The following MTNAP1 variants were observed in gnomAD, a reference collection of about 807,000 sequenced individuals.
MTNAP1 encodes the protein mitochondrial nucleoid associated protein 1, also known as mitochondrial nucleoid-associated protein 1.
At chr17:73,236,284 A>C in the MTNAP1 span, 1 of 1,614,158 alleles carries the variant, frequency 6.2e-7, no homozygotes, top group Non-Finnish European at 8.5e-7. Flanking sequence ...TGTTACAGTT[A>C]CTGAGACTCC....
chr17:73,242,837 G>A, the MTNAP1 span: 24,214 of 1,380,544 alleles, frequency 0.018, 1,704 homozygotes, highest in African/African-American at 0.21. Context: ...TGAATGACTC[G>A]CGGATACTGG....
chr17:73,248,481 TAAG>T, the MTNAP1 span: 1 of 1,551,354 alleles, frequency 6.4e-7, no homozygotes. Context: ...CCCCGCTAGG[TAAG>T]AAGCAACGCT....
At chr17:73,238,566 A>C in the MTNAP1 span, among the ~76,000 whole-genome samples, 3 of 152,252 alleles carry the variant, frequency 2.0e-5, no homozygotes, top group Non-Finnish European at 1.5e-5. Context: ...CCTAACGTCT[A>C]GACCTTTTTG....
the MTNAP1 span, chr17:73,242,402 G>A: frequency 6.6e-5 from 85 of 1,293,018 alleles, no homozygotes; most frequent in African/African-American, 1.2e-3. Flanking sequence ...TGGGCATTTG[G>A]AAAAGTTTCT....
At chr17:73,238,906 T>C in the MTNAP1 span, among the ~76,000 whole-genome samples, 4 of 148,572 alleles carry the variant, frequency 2.7e-5, no homozygotes, top group Non-Finnish European at 5.9e-5. Flanking sequence ...ATGTTTGTTA[T>C]AGTGCCATAC....
the MTNAP1 span, chr17:73,236,562 G>A: frequency 6.2e-7 from 1 of 1,614,170 alleles, no homozygotes; most frequent in Non-Finnish European, 8.5e-7. Context: ...TTCCGAGGGA[G>A]ACGACTTACC....
At chr17:73,238,054 C>CT in the MTNAP1 span, among the ~76,000 whole-genome samples, 1 of 152,182 alleles carries the variant, frequency 6.6e-6, no homozygotes, top group African/African-American at 2.4e-5. Context: ...GATTATGAAT[C>CT]AAACTTCAGA....
chr17:73,246,212 C>G, the MTNAP1 span, among the ~76,000 whole-genome samples: 3 of 152,174 alleles, frequency 2.0e-5, no homozygotes, highest in African/African-American at 7.2e-5. Context: ...TACATGAGGT[C>G]AGTTCCTCTT....
At chr17:73,245,234 G>C in the MTNAP1 span, 1 of 1,611,264 alleles carries the variant, frequency 6.2e-7, no homozygotes, top group Non-Finnish European at 8.5e-7. Flanking sequence ...AGCAAAGGGC[G>C]TACAGTGGAG....
chr17:73,247,352 T>G, the MTNAP1 span: 1 of 1,614,074 alleles, frequency 6.2e-7, no homozygotes, highest in Non-Finnish European at 8.5e-7. Context: ...GAAGCACGTT[T>G]AAGTAGGAGA....
the MTNAP1 span, chr17:73,248,430 G>A: frequency 7.3e-7 from 1 of 1,364,770 alleles, no homozygotes; most frequent in Non-Finnish European, 1.0e-6. Context: ...CAGAAGGAGG[G>A]GGTAAAAGTC....
chr17:73,235,608 T>C, the MTNAP1 span: 1 of 1,614,050 alleles, frequency 6.2e-7, no homozygotes, highest in Non-Finnish European at 8.5e-7. Flanking sequence ...AAAAAGTTTA[T>C]CAGTCCAAGC....
chr17:73,240,454 A>G, the MTNAP1 span, among the ~76,000 whole-genome samples: 1 of 152,216 alleles, frequency 6.6e-6, no homozygotes, highest in East Asian at 1.9e-4. Context: ...TGATCCCTCC[A>G]TTGGCCAAGG....
the MTNAP1 span, chr17:73,242,865 G>T: frequency 2.5e-6 from 4 of 1,582,468 alleles, no homozygotes; most frequent in Non-Finnish European, 2.6e-6. Context: ...TTCAGTTGCT[G>T]TAACAACAAG....
the MTNAP1 span, chr17:73,248,382 A>C: frequency 7.1e-5 from 70 of 985,728 alleles, no homozygotes; most frequent in Non-Finnish European, 3.3e-5. Context: ...TTACCATTTT[A>C]AACAGCCTTA....
chr17:73,245,215 C>T, the MTNAP1 span: 3 of 1,613,160 alleles, frequency 1.9e-6, no homozygotes, highest in Non-Finnish European at 2.5e-6. Flanking sequence ...TCACTTAAAG[C>T]TCTGGAACAG....
the MTNAP1 span, chr17:73,244,792 G>A: frequency 1.2e-5 from 2 of 170,830 alleles, no homozygotes; most frequent in South Asian, 3.2e-4. Context: ...CCGACAGCAG[G>A]AACAAGGCGG....
At chr17:73,238,770 T>C in the MTNAP1 span, among the ~76,000 whole-genome samples, 1 of 152,172 alleles carries the variant, frequency 6.6e-6, no homozygotes, top group Non-Finnish European at 1.5e-5. Context: ...ACAGAGAGCA[T>C]AAGTGATTTG....
chr17:73,240,999 CA>C, the MTNAP1 span, among the ~76,000 whole-genome samples: 1 of 152,134 alleles, frequency 6.6e-6, no homozygotes. Flanking sequence ...ACATCCACAG[CA>C]ACTTTTACCA....
Sources: gnomAD v4.1 joint callset for allele counts (sites outside exome capture counted in the v4.1 genomes callset) on GRCh38, gnomAD v4.1.1 for gene constraint, MANE v1.5 for transcripts, NCBI Gene and HGNC (gene_info 2026-07-23, HGNC 2026-07-21) for gene names.